THSD4: variants seen among roughly 807,000 people sequenced by gnomAD.
The protein encoded by THSD4 is thrombospondin type-1 domain-containing protein 4.
A neutral mutation model predicts 119.0 loss-of-function variants in THSD4; 69 were observed. The observed-to-expected ratio is 0.58, with a 90% CI of 0.48 to 0.71. THSD4 has a LOEUF of 0.71. Among genes scored for constraint, THSD4 ranks in the 30% least tolerant of loss-of-function variants. The pLI, the probability that THSD4 is intolerant of heterozygous loss-of-function variation, is 0.00. For missense variants in THSD4, 1,393 were observed against 1,391.1 expected (o/e 1.00, Z -0.02); for synonymous variants, 524 against 540.4 (o/e 0.97, Z 0.42).
chr15:71,332,942 T>C (rs2045445372), intron 6 of THSD4, among the ~76,000 whole-genome samples: 2 of 143,014 alleles, frequency 1.4e-5, no homozygotes, highest in African/African-American at 5.1e-5. Context: ...TAGTGTATTT[T>C]ATGTGTGGCC....
chr15:71,282,313 T>C (rs747298835), intron 6 of THSD4, among the ~76,000 whole-genome samples: 34 of 152,182 alleles, frequency 2.2e-4, no homozygotes, highest in Non-Finnish European at 4.3e-4. Context: ...CCTTATTTGG[T>C]GCTTGGATTA....
intron 11 of THSD4, among the ~76,000 whole-genome samples, chr15:71,740,978 C>A (rs1362326784): frequency 1.3e-5 from 2 of 152,206 alleles, no homozygotes; most frequent in African/African-American, 4.8e-5. Context: ...TTTGCAACTT[C>A]TGCACCAGGC....
chr15:71,114,032 T>G (rs546529392), upstream of THSD4, among the ~76,000 whole-genome samples: 1 of 152,288 alleles, frequency 6.6e-6, no homozygotes, highest in South Asian at 2.1e-4. Context: ...AGAATTAATC[T>G]AATCCCATTT....
Position 71,154,881 on chromosome 15 carries a change from G to A in THSD4, c.48G>A (p.Leu16=). Residue 16 remains leucine (L), a synonymous_variant, in exon 3 of 18, where the codon CTG becomes CTA. Coordinates refer to ENST00000261862, the MANE Select transcript of THSD4 (RefSeq NM_024817.3). ...TTTTCAGTGTCCTGTGTTTCCTTCT[G>A]CTGCTTGGATTCCAGTTCGTCTGCC... The part of the protein sequence containing the change: ...MGSLSVLCFL[L]LLGFQFVCPQ... 6.2e-7 allele frequency: 1 copy of A among 1,614,078 alleles called. No individual in the cohort carries two copies. The highest frequency in any genetic ancestry group is 8.5e-7 in the Non-Finnish European group (1 of 1,180,034).
At chr15:71,477,469 G>A (rs552917109) in intron 7 of THSD4, among the ~76,000 whole-genome samples, 1 of 152,172 alleles carries the variant, frequency 6.6e-6, no homozygotes, top group African/African-American at 2.4e-5. Flanking sequence ...ATGAAAGGAC[G>A]GGCGGACAGC....
At chr15:71,195,809 C>T (rs2043714426) in intron 3 of THSD4, among the ~76,000 whole-genome samples, 1 of 151,964 alleles carries the variant, frequency 6.6e-6, no homozygotes, top group Non-Finnish European at 1.5e-5. Context: ...TGATAGCTAC[C>T]AATTATTGAG....
intron 7 of THSD4, among the ~76,000 whole-genome samples, chr15:71,618,027 C>T (rs946251397): frequency 6.6e-6 from 1 of 152,158 alleles, no homozygotes; most frequent in Non-Finnish European, 1.5e-5. Context: ...AACAAGGGTC[C>T]GTATTTTTCC....
intron 7 of THSD4, among the ~76,000 whole-genome samples, chr15:71,602,012 A>T (rs1377996643): frequency 6.6e-6 from 1 of 152,138 alleles, no homozygotes; most frequent in Non-Finnish European, 1.5e-5. Context: ...AAGACTTCAC[A>T]TGATGTAGGA....
chr15:71,780,962 C>T lies in THSD4; in HGVS notation c.*3588C>T, dbSNP rs112593778. ...AAATGTTGTGGGTTTTCTTTTCATTCGGATAGCCACTTTATAGTTGGAATA... is the reference window on the plus strand; with the variant it reads ...AAATGTTGTGGGTTTTCTTTTCATTTGGATAGCCACTTTATAGTTGGAATA... On this transcript the variant is annotated 3_prime_UTR_variant, in exon 18 of 18. Coordinates refer to ENST00000261862, the MANE Select transcript of THSD4 (RefSeq NM_024817.3). 9.3e-5 allele frequency: 32 copies of T among 344,308 alleles called. No homozygotes were observed. Among genetic ancestry groups the T allele is most frequent in the African/African-American group, 6.0e-4 (28 of 46,732 alleles). The allele number at this position is 344,308 out of a possible 1,614,324, so 21.3% of individuals were successfully genotyped here. A position where few individuals can be genotyped will look rare whatever the true frequency, so the allele number is the denominator to read the frequency against.
At chr15:71,622,840 G>A (rs969422447) in intron 7 of THSD4, among the ~76,000 whole-genome samples, 3 of 152,176 alleles carry the variant, frequency 2.0e-5, no homozygotes, top group African/African-American at 7.2e-5. Flanking sequence ...GGTAAGTGAA[G>A]GCTCAGGATA....
intron 8 of THSD4, among the ~76,000 whole-genome samples, chr15:71,687,710 G>C (rs1343516847): frequency 6.7e-6 from 1 of 149,024 alleles, no homozygotes; most frequent in Non-Finnish European, 1.5e-5. Flanking sequence ...AGCTGAGATC[G>C]TGCCATTACA....
chr15:71,702,660 T>C (rs923916161), intron 8 of THSD4, among the ~76,000 whole-genome samples: 2 of 152,194 alleles, frequency 1.3e-5, no homozygotes, highest in Non-Finnish European at 2.9e-5. Context: ...GGGCTTTCTG[T>C]CATGTCTTCA....
chr15:71,748,525 G>A lies in THSD4; in HGVS notation c.2346G>A (p.Pro782=), dbSNP rs756282682. ...DDEECNMKLR[P]NDIENCDMGP... Reference sequence around the variant, plus strand: ...AGGAATGCAACATGAAGCTCCGGCCGAATGACATTGAGAACTGCGACATGG... The same window carrying A: ...AGGAATGCAACATGAAGCTCCGGCCAAATGACATTGAGAACTGCGACATGG... The change falls in exon 14 of 18, where the codon CCG becomes CCA. Residue 782 remains proline, a synonymous_variant. Transcript: ENST00000261862. The A allele has an allele frequency of 1.4e-4, 227 of 1,614,064 alleles. No individual in the cohort carries two copies. The highest frequency in any genetic ancestry group is 1.8e-4 in the Non-Finnish European group (218 of 1,180,038).
rs2051281331 is a variant in THSD4 at position 71,660,537 on chromosome 15, G to A, written c.1160G>A (p.Gly387Asp). Residue 387 changes from glycine (G) to aspartate (D), a missense_variant, in exon 8 of 18, where the codon GGC becomes GAC. By Grantham distance (94) the Gly-to-Asp change is moderately conservative (BLOSUM62 -1). Coordinates refer to ENST00000261862, the MANE Select transcript of THSD4 (RefSeq NM_024817.3). Reference protein sequence around the residue: ...ICVSGQCKSIGCDDYLGSDKV... With the variant: ...ICVSGQCKSIDCDDYLGSDKV... ...TTTTCTGTCTTTTTGCAGAGCATTGGCTGTGATGACTACTTAGGCTCCGAC... is the reference window on the plus strand; with the variant it reads ...TTTTCTGTCTTTTTGCAGAGCATTGACTGTGATGACTACTTAGGCTCCGAC... The A allele has an allele frequency of 6.2e-7, 1 of 1,614,058 alleles. No homozygotes were observed. Among genetic ancestry groups the A allele is most frequent in the Non-Finnish European group, 8.5e-7 (1 of 1,179,982 alleles).
chr15:71,591,963 G>A (rs552248099), intron 7 of THSD4, among the ~76,000 whole-genome samples: 5 of 152,220 alleles, frequency 3.3e-5, no homozygotes, highest in East Asian at 1.9e-4. Context: ...ACATTATTTC[G>A]TGTAATTTTC....
At chr15:71,660,115 G>A (rs1487105286) in intron 7 of THSD4, among the ~76,000 whole-genome samples, 6 of 152,180 alleles carry the variant, frequency 3.9e-5, no homozygotes, top group Non-Finnish European at 7.4e-5. Context: ...GCTAAGAGTA[G>A]CATCTATAAG....
intron 17 of THSD4, among the ~76,000 whole-genome samples, chr15:71,774,041 G>C (rs529598152): frequency 1.3e-5 from 2 of 152,106 alleles, no homozygotes; most frequent in South Asian, 2.1e-4. Context: ...GGCCGGGTGC[G>C]GTGGCTCATA....
chr15:71,666,405 T>C (rs1156899274), intron 8 of THSD4, among the ~76,000 whole-genome samples: 1 of 152,130 alleles, frequency 6.6e-6, no homozygotes, highest in African/African-American at 2.4e-5. Flanking sequence ...TTGTACAGAT[T>C]ATTTCATCAC....
At chr15:71,365,972 C>G (rs564705971) in intron 6 of THSD4, among the ~76,000 whole-genome samples, 30 of 152,310 alleles carry the variant, frequency 2.0e-4, no homozygotes, top group African/African-American at 7.0e-4. Flanking sequence ...ACTCCCCTCT[C>G]TAAACTAGAA....
Sources: allele counts gnomAD v4.1 joint callset (sites outside exome capture counted in the v4.1 genomes callset), GRCh38; gene constraint gnomAD v4.1.1; transcripts MANE v1.5; gene names NCBI Gene and HGNC (gene_info 2026-07-23, HGNC 2026-07-21).